Variants in ATG7 observed in about 807,000 individuals in gnomAD.
ATG7 encodes the protein autophagy related 7, also known as ubiquitin-like modifier-activating enzyme ATG7.
Under a neutral mutation model 82.4 loss-of-function variants are expected in ATG7, and 70 were observed. The observed-to-expected ratio is 0.85, with a 90% CI of 0.70 to 1.04. ATG7 has a LOEUF of 1.04. Ranked by LOEUF, ATG7 falls within the 50% of genes least tolerant of loss-of-function variation. The pLI is 0.00. For missense variants in ATG7, 792 were observed against 864.3 expected, an observed-to-expected ratio of 0.92 and a Z score of 1.05; for synonymous variants, 287 against 313.0, an observed-to-expected ratio of 0.92 and a Z score of 0.88.
intron 20 of ATG7, among the ~76,000 whole-genome samples, chr3:11,525,379 AAAC>A (rs2092550496): frequency 6.6e-6 from 1 of 150,908 alleles, no homozygotes; most frequent in Non-Finnish European, 1.5e-5. Flanking sequence ...TGAAAAGAGG[AAAC>A]AAAATGTTCC....
At chr3:11,453,656 C>T (rs1437408887) in intron 20 of ATG7, among the ~76,000 whole-genome samples, 2 of 152,220 alleles carry the variant, frequency 1.3e-5, no homozygotes, top group African/African-American at 4.8e-5. Flanking sequence ...CAAATAATCT[C>T]TCTTGGAGTA....
intron 18 of ATG7, among the ~76,000 whole-genome samples, chr3:11,370,329 T>G (rs116487031): frequency 0.012 from 1,801 of 151,014 alleles, 115 homozygotes; most frequent in African/African-American, 0.041. Context: ...TCTGCCCCCT[T>G]GGTGACTCTA....
At chr3:11,281,181 A>T (rs1942967258) in intron 2 of ATG7, 79 bp downstream of exon 2, 1 of 152,210 alleles carries the variant, frequency 6.6e-6, no homozygotes. Context: ...GGGCTGCCTC[A>T]TACAGTTATG....
chr3:11,445,425 C>T (rs1043226548), intron 20 of ATG7, among the ~76,000 whole-genome samples: 3 of 152,104 alleles, frequency 2.0e-5, no homozygotes, highest in South Asian at 2.1e-4. Flanking sequence ...ACAAACTCAT[C>T]GAGGAGCAGA....
At chr3:11,559,779 G>A (rs920763033), downstream of ATG7, among the ~76,000 whole-genome samples, 1 of 152,202 alleles carries the variant, frequency 6.6e-6, no homozygotes, top group African/African-American at 2.4e-5. Flanking sequence ...GGAGGACAGA[G>A]GGTTGCAGGA....
chr3:11,559,216 T>C (rs2072736420), downstream of ATG7: 3 of 1,424,696 alleles, frequency 2.1e-6, no homozygotes, highest in African/African-American at 1.4e-5. Flanking sequence ...AAATACTTTT[T>C]CAACCTCAGC....
the ATG7 span, among the ~76,000 whole-genome samples, chr3:11,563,431 A>T: frequency 6.6e-6 from 1 of 152,170 alleles, no homozygotes; most frequent in Non-Finnish European, 1.5e-5. Flanking sequence ...CGCACTGCGC[A>T]CACGCCTCTG....
intron 19 of ATG7, among the ~76,000 whole-genome samples, chr3:11,415,556 T>G (rs1371474981): frequency 6.6e-6 from 1 of 152,152 alleles, no homozygotes; most frequent in Non-Finnish European, 1.5e-5. Flanking sequence ...CCTTTAAAAA[T>G]TTTTATTTTA....
At chr3:11,457,857 T>C (rs2454502) in intron 20 of ATG7, among the ~76,000 whole-genome samples, 128,372 of 152,122 alleles carry the variant, frequency 0.84, 54,353 homozygotes, top group East Asian at 1. Context: ...CTTGAGCTCC[T>C]TGAAGGGCAA....
intron 20 of ATG7, among the ~76,000 whole-genome samples, chr3:11,451,571 GTA>G (rs1276004948): frequency 6.6e-6 from 1 of 152,054 alleles, no homozygotes; most frequent in African/African-American, 2.4e-5. Context: ...TGGCCCAAGC[GTA>G]TCACTGGTAT....
At chr3:11,364,850 C>A in intron 18 of ATG7, 116 bp downstream of exon 18, 1 of 1,091,370 alleles carries the variant, frequency 9.2e-7, no homozygotes, top group South Asian at 1.5e-5. Context: ...TACCCTGCAG[C>A]TGGGATTTCA....
At chr3:11,496,381 T>A (rs1469914993) in intron 20 of ATG7, among the ~76,000 whole-genome samples, 2 of 152,160 alleles carry the variant, frequency 1.3e-5, no homozygotes, top group African/African-American at 4.8e-5. Flanking sequence ...TCCTGCAAGT[T>A]TCCCAAGGAT....
At chr3:11,462,797 A>G (rs917220482) in intron 20 of ATG7, among the ~76,000 whole-genome samples, 3 of 152,148 alleles carry the variant, frequency 2.0e-5, no homozygotes, top group African/African-American at 4.8e-5. Context: ...ACATCGTAAC[A>G]TACATAAATA....
chr3:11,430,229 C>G (rs1332292381), intron 20 of ATG7, among the ~76,000 whole-genome samples: 1 of 152,088 alleles, frequency 6.6e-6, no homozygotes, highest in Non-Finnish European at 1.5e-5. Flanking sequence ...AGTAGAGGAC[C>G]TCCTAGCAAC....
chr3:11,543,917 G>C (rs2071050449), intron 20 of ATG7, among the ~76,000 whole-genome samples: 2 of 152,116 alleles, frequency 1.3e-5, no homozygotes, highest in Admixed American at 1.3e-4. Flanking sequence ...AGGGGCAAGG[G>C]CTGGGGCTGC....
At chr3:11,468,251 A>G (rs1319055315) in intron 20 of ATG7, among the ~76,000 whole-genome samples, 1 of 152,168 alleles carries the variant, frequency 6.6e-6, no homozygotes, top group Non-Finnish European at 1.5e-5. Flanking sequence ...TTTGGTACCA[A>G]TCACCCGAGG....
At chr3:11,284,486 G>C (rs1445566131) in intron 3 of ATG7, among the ~76,000 whole-genome samples, 2 of 152,218 alleles carry the variant, frequency 1.3e-5, no homozygotes, top group Non-Finnish European at 2.9e-5. Flanking sequence ...ACTGTTGGAT[G>C]AATAAATGAA....
chr3:11,451,346 G>C (rs2085112872), intron 20 of ATG7, among the ~76,000 whole-genome samples: 2 of 152,110 alleles, frequency 1.3e-5, no homozygotes, highest in South Asian at 4.2e-4. Flanking sequence ...TGAGTAGCTG[G>C]CACTATAGGC....
At position 11,364,656 on chromosome 3, in the gene ATG7, CAG is replaced by C. The variant is rs1559475441; in HGVS notation, c.1800-2_1800-1del. ...AGCAGCTCTGATTGTTTCCTGTCCT[CAG>C]GGGCTATGCCATTGCCAGCAGCAGT... On this transcript the variant is annotated splice_acceptor_variant, in intron 17 of 20. Transcript: ENST00000693202. LOFTEE classifies it high-confidence loss of function. The C allele has an allele frequency of 1.2e-6, 2 of 1,614,108 alleles. No individual in the cohort carries two copies. Among genetic ancestry groups the C allele is most frequent in the Non-Finnish European group, 1.7e-6 (2 of 1,179,964 alleles).
Sources: gnomAD v4.1 joint callset for allele counts (sites outside exome capture counted in the v4.1 genomes callset) on GRCh38, gnomAD v4.1.1 for gene constraint, MANE v1.5 for transcripts, NCBI Gene and HGNC (gene_info 2026-07-23, HGNC 2026-07-21) for gene names.